The following MGAT4A variants were observed in gnomAD, a reference collection of about 807,000 sequenced individuals.
The protein encoded by MGAT4A is alpha-1,3-mannosyl-glycoprotein 4-beta-N-acetylglucosaminyltransferase A.
Under a neutral mutation model 74.1 loss-of-function variants are expected in MGAT4A, and 33 were observed. The ratio of observed to expected loss-of-function variants is 0.45; its 90% CI spans 0.34 to 0.60. MGAT4A has a LOEUF of 0.60. Ranked by LOEUF, MGAT4A falls within the 20% of genes least tolerant of loss-of-function variation. The pLI is 0.02. For missense variants in MGAT4A, 479 were observed against 628.3 expected, an observed-to-expected ratio of 0.76 and a Z score of 2.54; for synonymous variants, 198 against 210.4, an observed-to-expected ratio of 0.94 and a Z score of 0.51.
In MGAT4A at chr2:98,642,351, A is replaced by G. The variant is rs146592232; in HGVS notation, c.1020+1572T>C. Among the ~76,000 whole-genome samples, 844 of 152,314 alleles carry G rather than the reference A, an allele frequency of 5.5e-3. 6 individuals carry two copies. The highest frequency in any genetic ancestry group is 7.8e-3 in the Non-Finnish European group (533 of 68,034). ...GATAACCCTTTGGGACAATGTATAA[A>G]TGATTCGAAGGGTTTCCCAGGCCAC... On this transcript the variant is annotated intron_variant, in intron 10 of 15. Transcript: ENST00000393487.
intron 2 of MGAT4A, among the ~76,000 whole-genome samples, chr2:98,724,509 A>C (rs1421880797): frequency 6.6e-6 from 1 of 152,264 alleles, no homozygotes; most frequent in Non-Finnish European, 1.5e-5. Flanking sequence ...AAATCAGAGC[A>C]GAAGTTTGCA....
chr2:98,690,880 C>A (rs988664529), intron 2 of MGAT4A, among the ~76,000 whole-genome samples: 1 of 152,034 alleles, frequency 6.6e-6, no homozygotes, highest in Non-Finnish European at 1.5e-5. Context: ...AGCTCAAGAG[C>A]AGATGGAGAG....
chr2:98,684,334 T>C (rs1176176822), intron 2 of MGAT4A, among the ~76,000 whole-genome samples: 2 of 152,240 alleles, frequency 1.3e-5, no homozygotes, highest in African/African-American at 4.8e-5. Context: ...GGAACTTTCA[T>C]ACTACCATCT....
chr2:98,629,528 T>A (rs1701196523), intron 14 of MGAT4A, among the ~76,000 whole-genome samples: 1 of 152,196 alleles, frequency 6.6e-6, no homozygotes, highest in Admixed American at 6.5e-5. Context: ...TGTCACCTGA[T>A]GAGCTCATTT....
intron 2 of MGAT4A, among the ~76,000 whole-genome samples, chr2:98,717,458 T>C (rs1028684113): frequency 8.6e-5 from 13 of 151,900 alleles, no homozygotes; most frequent in Admixed American, 2.6e-4. Flanking sequence ...CACCATGGGA[T>C]CCTAGATTGG....
At chr2:98,681,783 A>G (rs896736465) in intron 2 of MGAT4A, among the ~76,000 whole-genome samples, 1 of 151,980 alleles carries the variant, frequency 6.6e-6, no homozygotes, top group Admixed American at 6.6e-5. Flanking sequence ...CGAGACCCCA[A>G]CTCTAGTAAA....
At chr2:98,647,354 G>A (rs1220704528) in intron 8 of MGAT4A, among the ~76,000 whole-genome samples, 3 of 151,854 alleles carry the variant, frequency 2.0e-5, no homozygotes, top group African/African-American at 2.4e-5. Context: ...TCCCTCTGTC[G>A]CCCACACTGG....
intron 4 of MGAT4A, among the ~76,000 whole-genome samples, chr2:98,669,113 G>T (rs370873378): frequency 2.0e-5 from 3 of 152,308 alleles, no homozygotes; most frequent in East Asian, 3.9e-4. Context: ...TGTTGGGAAG[G>T]TATGATTGGT....
At chr2:98,632,439 C>T (rs1051579987) in intron 14 of MGAT4A, among the ~76,000 whole-genome samples, 1 of 152,264 alleles carries the variant, frequency 6.6e-6, no homozygotes, top group African/African-American at 2.4e-5. Flanking sequence ...TTACTAGCAT[C>T]TCTTTCCCTA....
chr2:98,645,645 G>T (rs535833992), intron 8 of MGAT4A, 103 bp from the exon 9 acceptor site: 2 of 851,090 alleles, frequency 2.3e-6, no homozygotes, highest in Admixed American at 8.1e-5. Flanking sequence ...TCATGAAAAT[G>T]AAGAAGACAA....
intron 2 of MGAT4A, among the ~76,000 whole-genome samples, chr2:98,710,269 G>C (rs746459131): frequency 3.9e-5 from 6 of 152,184 alleles, no homozygotes; most frequent in Non-Finnish European, 8.8e-5. Context: ...GATGTCAGGG[G>C]AGAATGCAGA....
intron 2 of MGAT4A, among the ~76,000 whole-genome samples, chr2:98,697,488 A>G (rs1426820116): frequency 2.0e-5 from 3 of 152,188 alleles, no homozygotes; most frequent in African/African-American, 7.2e-5. Context: ...GAATCTAGAC[A>G]TGATAAAAGG....
intron 14 of MGAT4A, among the ~76,000 whole-genome samples, chr2:98,629,939 G>A (rs1428509373): frequency 2.6e-5 from 4 of 152,138 alleles, no homozygotes; most frequent in South Asian, 2.1e-4. Flanking sequence ...CAGCTAATTG[G>A]GAGGCTGAGG....
At chr2:98,673,320 A>G (rs558057840) in intron 4 of MGAT4A, among the ~76,000 whole-genome samples, 174 of 152,308 alleles carry the variant, frequency 1.1e-3, no homozygotes, top group African/African-American at 3.7e-3. Context: ...AGTTCTGAAT[A>G]TGAAGCCCTA....
chr2:98,650,321 T>C (rs1287072473), intron 8 of MGAT4A, among the ~76,000 whole-genome samples: 1 of 150,760 alleles, frequency 6.6e-6, no homozygotes, highest in Non-Finnish European at 1.5e-5. Context: ...ATTATGAGAG[T>C]TCTACAAGGA....
chr2:98,723,858 G>A (rs775667174), intron 2 of MGAT4A, among the ~76,000 whole-genome samples: 21 of 152,306 alleles, frequency 1.4e-4, no homozygotes, highest in Middle Eastern at 3.4e-3. Context: ...AGGAGCATAA[G>A]CTCTTGAATG....
At chr2:98,724,502 T>C (rs1391764949) in intron 2 of MGAT4A, among the ~76,000 whole-genome samples, 1 of 152,054 alleles carries the variant, frequency 6.6e-6, no homozygotes, top group Non-Finnish European at 1.5e-5. Context: ...AAGTAGAAAA[T>C]CAGAGCAGAA....
At chr2:98,671,073 A>G (rs1701905139) in intron 4 of MGAT4A, among the ~76,000 whole-genome samples, 1 of 152,148 alleles carries the variant, frequency 6.6e-6, no homozygotes, top group African/African-American at 2.4e-5. Context: ...CCAGTCACTC[A>G]ATCCAGAAAC....
chr2:98,710,545 C>T (rs1471458592), intron 2 of MGAT4A, among the ~76,000 whole-genome samples: 4 of 152,116 alleles, frequency 2.6e-5, no homozygotes, highest in Admixed American at 2.6e-4. Flanking sequence ...CTGCAAACTT[C>T]ACCTCCCCAG....
Sources: gnomAD v4.1 joint callset for allele counts (sites outside exome capture counted in the v4.1 genomes callset) on GRCh38, gnomAD v4.1.1 for gene constraint, MANE v1.5 for transcripts, NCBI Gene and HGNC (gene_info 2026-07-23, HGNC 2026-07-21) for gene names.